SMAD3: variants seen among roughly 807,000 people sequenced by gnomAD.
SMAD3 encodes the protein MAD homolog 3.
SMAD3 carries 12 observed loss-of-function variants against 51.8 expected under a neutral mutation model. That is an observed-to-expected ratio of 0.23 (90% CI 0.15 to 0.38). SMAD3 has a LOEUF of 0.38. Ranked by LOEUF, SMAD3 falls within the 10% of genes least tolerant of loss-of-function variation. SMAD3 has a pLI of 1.00. For synonymous variants in SMAD3, 238 were observed against 227.7 expected (o/e 1.05, Z -0.41); for missense variants, 294 against 565.6 (o/e 0.52, Z 4.87).
chr15:67,119,439 C>T (rs1198121487), intron 1 of SMAD3, among the ~76,000 whole-genome samples: 5 of 150,856 alleles, frequency 3.3e-5, no homozygotes, highest in Non-Finnish European at 7.4e-5. Context: ...CACAGCTGTG[C>T]TGGGGCCATG....
chr15:67,151,671 G>T (rs1159997852), intron 1 of SMAD3, among the ~76,000 whole-genome samples: 2 of 152,074 alleles, frequency 1.3e-5, no homozygotes, highest in African/African-American at 4.8e-5. Flanking sequence ...TAGAGTTTTT[G>T]AAAAATATTT....
intron 5 of SMAD3, among the ~76,000 whole-genome samples, chr15:67,171,230 A>C (rs2140301915): frequency 6.6e-6 from 1 of 152,216 alleles, no homozygotes; most frequent in East Asian, 1.9e-4. Flanking sequence ...GTTATTTTGT[A>C]AACACGTTTC....
intron 1 of SMAD3, among the ~76,000 whole-genome samples, chr15:67,121,756 C>T (rs1392818664): frequency 2.0e-5 from 3 of 151,884 alleles, no homozygotes; most frequent in Non-Finnish European, 4.4e-5. Flanking sequence ...GCCTCCATTT[C>T]TTGATATGAG....
In SMAD3 at chr15:67,066,080, C is replaced by T. The variant is rs1959906362; in HGVS notation, c.-75C>T. On this transcript the variant is annotated 5_prime_UTR_variant, in exon 1 of 9. Transcript: ENST00000327367. ...CGCGGCAGGCCCCGGCCGAGCTCCC[C>T]TCTGCGCCCCCGGCGTCCCGTCGAG... 4.2e-6 allele frequency: 5 copies of T among 1,182,492 alleles called. No homozygotes were observed. Among genetic ancestry groups the T allele is most frequent in the East Asian group, 2.6e-5 (1 of 38,106 alleles). 73.2% of individuals were successfully genotyped at this position (1,182,492 alleles called of 1,614,324 possible).
At chr15:67,168,112 G>A (rs981665568) in intron 4 of SMAD3, among the ~76,000 whole-genome samples, 7 of 152,166 alleles carry the variant, frequency 4.6e-5, no homozygotes, top group East Asian at 1.9e-4. Flanking sequence ...GCAGCACCAC[G>A]CCCGGCTCAT....
At chr15:67,181,183 C>A in intron 5 of SMAD3, 58 bp from the exon 6 acceptor site, 1 of 1,319,054 alleles carries the variant, frequency 7.6e-7, no homozygotes, top group South Asian at 1.2e-5. Context: ...GGGACCCCAT[C>A]GAGGGAGCAT....
chr15:67,176,396 A>G (rs1364960244), intron 5 of SMAD3, among the ~76,000 whole-genome samples: 2 of 152,172 alleles, frequency 1.3e-5, no homozygotes, highest in African/African-American at 4.8e-5. Context: ...ATTGAGGAAG[A>G]GCTGCCTTCC....
chr15:67,110,418 G>T (rs1595904853), intron 1 of SMAD3, among the ~76,000 whole-genome samples: 1 of 152,308 alleles, frequency 6.6e-6, no homozygotes, highest in African/African-American at 2.4e-5. Context: ...ACTTGGGTTT[G>T]ACAAAATAGA....
intron 1 of SMAD3, among the ~76,000 whole-genome samples, chr15:67,070,332 G>T (rs188282241): frequency 6.6e-6 from 1 of 152,280 alleles, no homozygotes; most frequent in East Asian, 1.9e-4. Flanking sequence ...TAGCTGATGA[G>T]GGATCTGACT....
At chr15:67,092,579 A>G (rs927314452) in intron 1 of SMAD3, among the ~76,000 whole-genome samples, 14 of 152,114 alleles carry the variant, frequency 9.2e-5, no homozygotes, top group Admixed American at 4.6e-4. Flanking sequence ...TGTGCATTTG[A>G]GCTTGACAAT....
At chr15:67,161,946 A>ACGAGTCCCAGGCTGTCTTCT (rs1395843805) in intron 1 of SMAD3, among the ~76,000 whole-genome samples, 19 of 152,228 alleles carry the variant, frequency 1.2e-4, no homozygotes, top group Admixed American at 1.0e-3. Flanking sequence ...TACCTCAGGG[A>ACGAGTCCCAGGCTGTCTTCT]CGAGTCCCAG....
chr15:67,188,388 T>G (rs1284438528), intron 8 of SMAD3, among the ~76,000 whole-genome samples: 1 of 152,108 alleles, frequency 6.6e-6, no homozygotes, highest in Non-Finnish European at 1.5e-5. Context: ...CCCACCTGCC[T>G]CAGCCTCCCA....
chr15:67,121,417 C>T (rs1347268023), intron 1 of SMAD3, among the ~76,000 whole-genome samples: 2 of 152,156 alleles, frequency 1.3e-5, no homozygotes, highest in African/African-American at 4.8e-5. Context: ...GTGTGCCCCA[C>T]ATGTCAGTTG....
At chr15:67,165,165 G>C (rs1239111048) in intron 2 of SMAD3, 77 bp downstream of exon 2, 1 of 1,612,506 alleles carries the variant, frequency 6.2e-7, no homozygotes, top group Non-Finnish European at 8.5e-7. Context: ...ATCCCCCCGA[G>C]GGTCTGCGGT....
intron 4 of SMAD3, among the ~76,000 whole-genome samples, chr15:67,167,080 T>G (rs1420713078): frequency 1.3e-5 from 2 of 152,144 alleles, no homozygotes; most frequent in African/African-American, 4.8e-5. Flanking sequence ...GGCCATCTCG[T>G]GTATGCCCTG....
intron 1 of SMAD3, among the ~76,000 whole-genome samples, chr15:67,119,342 G>A (rs925856796): frequency 2.0e-5 from 3 of 152,208 alleles, no homozygotes; most frequent in Non-Finnish European, 4.4e-5. Flanking sequence ...AGTCATGATG[G>A]AGTGTTGGGG....
At chr15:67,184,971 G>A (rs767740276) in intron 7 of SMAD3, 107 bp downstream of exon 7, 46 of 1,417,342 alleles carry the variant, frequency 3.2e-5, no homozygotes, top group Non-Finnish European at 3.7e-5. Flanking sequence ...ACTCATGATT[G>A]CGTTGTCAAT....
intron 1 of SMAD3, among the ~76,000 whole-genome samples, chr15:67,111,947 C>G (rs1961023216): frequency 6.6e-6 from 1 of 151,730 alleles, no homozygotes; most frequent in Non-Finnish European, 1.5e-5. Flanking sequence ...GCCACCACAC[C>G]TGGCTAATTT....
chr15:67,173,030 G>C (rs1300751585), intron 5 of SMAD3, among the ~76,000 whole-genome samples: 2 of 152,176 alleles, frequency 1.3e-5, no homozygotes, highest in Non-Finnish European at 2.9e-5. Flanking sequence ...CCATCGAGGG[G>C]CTACGGCCTT....
Sources: gnomAD v4.1 joint callset for allele counts (sites outside exome capture counted in the v4.1 genomes callset) on GRCh38, gnomAD v4.1.1 for gene constraint, MANE v1.5 for transcripts, NCBI Gene and HGNC (gene_info 2026-07-23, HGNC 2026-07-21) for gene names.